Variants in ANKLE2 observed in about 807,000 individuals in gnomAD.
The protein encoded by ANKLE2 is ankyrin repeat and LEM domain containing 2, also known as ankyrin repeat and LEM domain-containing protein 2.
In ANKLE2, 55 loss-of-function variants were observed where a neutral mutation model predicts 84.2. The observed-to-expected ratio is 0.65, with a 90% confidence interval of 0.53 to 0.82. ANKLE2 has a LOEUF of 0.82. Among genes scored for constraint, ANKLE2 ranks in the 40% least tolerant of loss-of-function variants. The probability of loss-of-function intolerance (pLI) is 0.00; values close to 1 mark genes in which losing one functional copy is unlikely to be tolerated. For missense variants in ANKLE2, 1,238 were observed against 1,201.9 expected (o/e 1.03, Z -0.44); for synonymous variants, 551 against 486.1 (o/e 1.13, Z -1.76).
chr12:132,760,593 C>T (rs2044605547), intron 1 of ANKLE2: 1 of 152,202 alleles, frequency 6.6e-6, no homozygotes, highest in East Asian at 1.9e-4. Context: ...ACATGTTTTA[C>T]TTACACTTAC....
chr12:132,735,835 T>C (rs1566018073), intron 8 of ANKLE2, among the ~76,000 whole-genome samples: 1 of 152,230 alleles, frequency 6.6e-6, no homozygotes, highest in Non-Finnish European at 1.5e-5. Flanking sequence ...CCGACGCACA[T>C]GTGACACTGC....
intron 9 of ANKLE2, 128 bp from the exon 10 acceptor site, chr12:132,734,703 A>G: frequency 2.1e-6 from 2 of 958,698 alleles, no homozygotes; most frequent in Non-Finnish European, 3.1e-6. Context: ...ATTTTCCTTT[A>G]TCCTTAACTG....
chr12:132,728,235 T>G lies in ANKLE2; in HGVS notation c.2484-72A>C, dbSNP rs572321059. The G allele has an allele frequency of 1.9e-6, 3 of 1,562,268 alleles. No homozygotes were observed. In the African/African-American group the frequency reaches 4.1e-5, roughly 22 times the overall value. On this transcript the variant is annotated intron_variant, in intron 11 of 12. Coordinates refer to ENST00000357997, the MANE Select transcript of ANKLE2 (RefSeq NM_015114.3). ...AAAGACTTCTAAAATACCACTACTT[T>G]TTTTTTTATTTTGAGACGGAGTCTT...
chr12:132,730,968 G>A (rs561901369), intron 10 of ANKLE2: 1 of 152,404 alleles, frequency 6.6e-6, no homozygotes, highest in South Asian at 2.1e-4. Flanking sequence ...GGGGCTCCGA[G>A]TGTCACAGTG....
At chr12:132,746,119 C>A (rs1039901260) in intron 5 of ANKLE2, among the ~76,000 whole-genome samples, 1 of 151,762 alleles carries the variant, frequency 6.6e-6, no homozygotes, top group Non-Finnish European at 1.5e-5. Flanking sequence ...GAGGCCAAGG[C>A]GGGCCGATCA....
Position 132,754,737 on chromosome 12 carries a change from G to C in ANKLE2, c.578C>G (p.Ser193Cys). 6.2e-7 allele frequency: 1 copy of C among 1,614,138 alleles called. No homozygotes were observed. ...TDTYRAGATA[S>C]KEPPLYYGVC... The stretch of plus-strand genomic sequence containing the variant: ...CCCATAGTACAGGGGCGGCTCCTTA[G>C]ACGCAGTCGCTCCAGCTCTGTAGGT... The change falls in exon 2 of 13, where the codon TCT becomes TGT. Residue 193 changes from serine to cysteine, a missense_variant. Around this residue, in one of 3 missense-constraint regions of ANKLE2, gnomAD observed 422 missense variants for 394.5 expected, o/e 1.07. Coordinates refer to ENST00000357997, the MANE Select transcript of ANKLE2 (RefSeq NM_015114.3).
intron 2 of ANKLE2, 156 bp from the exon 3 acceptor site, chr12:132,751,005 G>A (rs1053544981): frequency 1.1e-5 from 7 of 633,894 alleles, no homozygotes; most frequent in Non-Finnish European, 1.9e-5. Flanking sequence ...GCCTAAGCTA[G>A]CCAAAATAGA....
At chr12:132,741,847 T>C (rs2044130268) in intron 6 of ANKLE2, 1 of 469,396 alleles carries the variant, frequency 2.1e-6, no homozygotes, top group Non-Finnish European at 4.2e-6. Flanking sequence ...GGAAGCCTGG[T>C]CATACACAAA....
intron 2 of ANKLE2, among the ~76,000 whole-genome samples, chr12:132,752,141 G>A (rs1238435798): frequency 6.6e-6 from 1 of 151,026 alleles, no homozygotes; most frequent in African/African-American, 2.4e-5. Context: ...GAGAGTTTGA[G>A]ACCAGCCTGA....
chr12:132,732,052 G>C (rs2043862400), intron 10 of ANKLE2: 1 of 151,138 alleles, frequency 6.6e-6, no homozygotes, highest in Admixed American at 6.6e-5. Flanking sequence ...GCTGGTGTCT[G>C]ATGTGCACCG....
intron 2 of ANKLE2, among the ~76,000 whole-genome samples, chr12:132,753,822 T>C (rs1467820891): frequency 6.6e-6 from 1 of 152,140 alleles, no homozygotes; most frequent in East Asian, 1.9e-4. Context: ...TCCCAGCTAC[T>C]CAAGCGGCTG....
chr12:132,743,864 T>C lies in ANKLE2; in HGVS notation c.1231-588A>G, dbSNP rs1195856604. 1.3e-5 allele frequency among the ~76,000 whole-genome samples: 2 copies of C among 152,150 alleles called. No individual in the cohort carries two copies. The highest frequency in any genetic ancestry group is 4.8e-5 in the African/African-American group (2 of 41,438). ...CCATTCAGGGCCCAGTACAATGTCA[T>C]GTAAAACATGCCCAGGAAGTGAAAT... On this transcript the variant is annotated intron_variant, in intron 5 of 12. Transcript: ENST00000357997. This position sits in a 1 kb window ranked among gnomAD's most constrained non-coding sequence, Gnocchi z 4.1.
chr12:132,741,986 G>C, intron 6 of ANKLE2: 1 of 358,394 alleles, frequency 2.8e-6, no homozygotes, highest in South Asian at 2.1e-5. Context: ...ACTTTTGCTA[G>C]AAACTATAGA....
intron 5 of ANKLE2, among the ~76,000 whole-genome samples, chr12:132,747,534 C>T (rs927480737): frequency 6.6e-6 from 1 of 152,304 alleles, no homozygotes; most frequent in Non-Finnish European, 1.5e-5. Context: ...TGCTGCTCAG[C>T]TCAAGGTGTC....
At chr12:132,728,219 T>G (rs968295338) in intron 11 of ANKLE2, 56 bp from the exon 12 acceptor site, 5 of 1,583,846 alleles carry the variant, frequency 3.2e-6, no homozygotes, top group Admixed American at 3.7e-5. Context: ...TAAAGACTTC[T>G]AAAATACCAC....
chr12:132,754,386 TCAA>T (rs1358486722), intron 2 of ANKLE2, among the ~76,000 whole-genome samples: 1 of 152,204 alleles, frequency 6.6e-6, no homozygotes, highest in African/African-American at 2.4e-5. Flanking sequence ...AGATGACTAA[TCAA>T]CAAAGTTCCT....
intron 3 of ANKLE2, 98 bp from the exon 4 acceptor site, chr12:132,748,429 G>C (rs2044286126): frequency 2.2e-6 from 3 of 1,380,452 alleles, no homozygotes; most frequent in South Asian, 2.6e-5. Flanking sequence ...TTTCCACAGA[G>C]GCTTCTGGGC....
At chr12:132,730,630 T>A (rs1460571692) in intron 10 of ANKLE2, 3 of 270,414 alleles carry the variant, frequency 1.1e-5, no homozygotes, top group African/African-American at 6.5e-5. Flanking sequence ...CAAGACTGCC[T>A]GGGCAACATA....
intron 3 of ANKLE2, 67 bp downstream of exon 3, chr12:132,750,576 G>T: frequency 6.4e-7 from 1 of 1,561,450 alleles, no homozygotes; most frequent in Non-Finnish European, 8.8e-7. Context: ...TCAGAGGAAA[G>T]AAGGCACAAA....
Sources: gnomAD v4.1 joint callset for allele counts (sites outside exome capture counted in the v4.1 genomes callset) on GRCh38, gnomAD v4.1.1 for gene constraint, gnomAD v4.1.1 regional missense constraint, Gnocchi (gnomAD v3.1) non-coding constraint, MANE v1.5 for transcripts, NCBI Gene and HGNC (gene_info 2026-07-23, HGNC 2026-07-21) for gene names.